Variants in EXTL3 observed in about 807,000 individuals in gnomAD.
The protein encoded by EXTL3 is exostosin-like 3.
In EXTL3, 27 loss-of-function variants were observed where a neutral mutation model predicts 69.3. The ratio of observed to expected loss-of-function variants is 0.39; its 90% CI spans 0.29 to 0.54. EXTL3 has a LOEUF of 0.54. EXTL3 is among the 20% of genes least tolerant of loss of function. The pLI is 0.69. For synonymous variants in EXTL3, 511 were observed against 499.4 expected, an observed-to-expected ratio of 1.02 and a Z score of -0.31; for missense variants, 1,003 against 1,231.8, an observed-to-expected ratio of 0.81 and a Z score of 2.78.
chr8:28,747,728 C>CTTTTTTTT (rs71549697), intron 6 of EXTL3, among the ~76,000 whole-genome samples: 20 of 124,734 alleles, frequency 1.6e-4, no homozygotes, highest in South Asian at 2.4e-4. Flanking sequence ...TTTTCTTTTT[C>CTTTTTTTT]TTTTTTTTTT....
intron 1 of EXTL3, among the ~76,000 whole-genome samples, chr8:28,663,892 C>T (rs558437968): frequency 1.3e-5 from 2 of 152,300 alleles, no homozygotes; most frequent in African/African-American, 4.8e-5. Flanking sequence ...AGGAGGCTGC[C>T]ATTGCTGGCG....
At chr8:28,704,464 A>C (rs1372461668) in intron 1 of EXTL3, among the ~76,000 whole-genome samples, 1 of 152,182 alleles carries the variant, frequency 6.6e-6, no homozygotes, top group African/African-American at 2.4e-5. Context: ...CACCCCTCAC[A>C]CACATGCCTT....
chr8:28,647,357 G>A (rs1394527367), intron 1 of EXTL3, among the ~76,000 whole-genome samples: 3 of 152,098 alleles, frequency 2.0e-5, no homozygotes, highest in East Asian at 3.9e-4. Flanking sequence ...CACCTGCCTC[G>A]GCCTCCCAAA....
intron 1 of EXTL3, among the ~76,000 whole-genome samples, chr8:28,692,753 A>C (rs546625315): frequency 6.6e-6 from 1 of 152,208 alleles, no homozygotes; most frequent in Non-Finnish European, 1.5e-5. Flanking sequence ...TTTTTAAATG[A>C]AAGTAGTGAG....
At chr8:28,613,965 C>T (rs886469835) in intron 2 of EXTL3, among the ~76,000 whole-genome samples, 2 of 151,638 alleles carry the variant, frequency 1.3e-5, no homozygotes, top group Non-Finnish European at 2.9e-5. Flanking sequence ...GACTACAGGC[C>T]CATGCATGCT....
chr8:28,734,390 A>G lies in EXTL3; in HGVS notation c.2276+3040A>G, dbSNP rs1455319743. ...GTATTAATCTATAATAATTTTGGGG[A>G]AAAATTAGTTCTTCCCCACATCATT... On this transcript the variant is annotated intron_variant, in intron 4 of 6. Coordinates refer to ENST00000220562, the MANE Select transcript of EXTL3 (RefSeq NM_001440.4). 2.0e-5 allele frequency among the ~76,000 whole-genome samples: 3 copies of G among 152,158 alleles called. No individual in the cohort carries two copies. In the East Asian group the frequency reaches 5.8e-4, roughly 29 times the overall value.
chr8:28,745,152 G>A (rs1285378423), intron 6 of EXTL3, among the ~76,000 whole-genome samples: 4 of 151,730 alleles, frequency 2.6e-5, no homozygotes, highest in East Asian at 1.9e-4. Flanking sequence ...TGCCATGGGC[G>A]TGTCTGTGAA....
At chr8:28,720,517 A>C (rs1242332086) in intron 3 of EXTL3, among the ~76,000 whole-genome samples, 2 of 152,210 alleles carry the variant, frequency 1.3e-5, no homozygotes, top group Non-Finnish European at 2.9e-5. Flanking sequence ...GGTGCCCCAT[A>C]GGACTTATAT....
intron 1 of EXTL3, among the ~76,000 whole-genome samples, chr8:28,702,015 GCTGTTGGGCTTCCTCTGCTCC>G (rs1315267909): frequency 1.3e-5 from 2 of 152,050 alleles, no homozygotes; most frequent in East Asian, 3.9e-4. Context: ...CTCGGCTGCA[GCTGTTGGGCTTCCTCTGCTCC>G]CTGAAGCCCT....
In EXTL3 at chr8:28,716,022, G is replaced by A; in HGVS notation, c.-38G>A. ...ATAGCAACCCATGGTTATGGCGAGT[G>A]ACCCGACGTGATCTGGGGGGCAGGC... On this transcript the variant is annotated 5_prime_UTR_variant, in exon 3 of 7. It removes the in-frame stop codon of an upstream open reading frame in the 5' UTR. Transcript: ENST00000220562. The surrounding 1 kb of genome is among the most constrained non-coding windows in gnomAD (Gnocchi z 7.1). 1 of 1,542,014 alleles carries A rather than the reference G, an allele frequency of 6.5e-7. No individual in the cohort carries two copies. Among genetic ancestry groups the A allele is most frequent in the Non-Finnish European group, 8.8e-7 (1 of 1,133,232 alleles).
rs1350898553 is a variant in EXTL3 at position 28,716,191 on chromosome 8, G to A, written c.132G>A (p.Pro44=). The A allele has an allele frequency of 5.0e-6, 8 of 1,614,054 alleles. No individual in the cohort carries two copies. The highest frequency in any genetic ancestry group is 1.7e-5 in the Admixed American group (1 of 60,012). The change falls in exon 3 of 7, where the codon CCG becomes CCA. Residue 44 remains proline (P), a synonymous_variant. Transcript: ENST00000220562. This position sits in a 1 kb window ranked among gnomAD's most constrained non-coding sequence, Gnocchi z 7.1. The part of the protein sequence containing the change: ...FTLFVILVFF[P]LIAHYYLTTL... ...TCTTTGTCATCCTGGTCTTCTTCCC[G>A]CTCATCGCCCACTATTACCTCACCA... is the stretch of plus-strand genomic sequence containing the variant.
At chr8:28,729,175 G>A (rs1442821458) in intron 3 of EXTL3, among the ~76,000 whole-genome samples, 1 of 150,768 alleles carries the variant, frequency 6.6e-6, no homozygotes, top group Non-Finnish European at 1.5e-5. Flanking sequence ...TCTGCTTGTA[G>A]TTCCAGCTAC....
chr8:28,686,027 A>AG (rs1807571877), intron 1 of EXTL3: 1 of 151,826 alleles, frequency 6.6e-6, no homozygotes, highest in African/African-American at 2.4e-5. Flanking sequence ...CACCATGCCC[A>AG]GTTAATGTTT....
At chr8:28,631,886 G>A (rs1043776942) in intron 1 of EXTL3, among the ~76,000 whole-genome samples, 1 of 150,946 alleles carries the variant, frequency 6.6e-6, no homozygotes, top group Non-Finnish European at 1.5e-5. Flanking sequence ...TCAAGAGATC[G>A]AGACCATCCT....
At chr8:28,676,866 A>G (rs1358297067) in intron 1 of EXTL3, among the ~76,000 whole-genome samples, 1 of 152,164 alleles carries the variant, frequency 6.6e-6, no homozygotes, top group Non-Finnish European at 1.5e-5. Context: ...CCCCACCCAC[A>G]GAGATTCGGA....
intron 1 of EXTL3, among the ~76,000 whole-genome samples, chr8:28,633,040 A>C (rs1242662050): frequency 1.3e-5 from 2 of 152,170 alleles, no homozygotes; most frequent in Non-Finnish European, 2.9e-5. Context: ...AATGGTTGGG[A>C]AAAAAATTAA....
At chr8:28,658,730 A>G (rs1428677740) in intron 1 of EXTL3, among the ~76,000 whole-genome samples, 1 of 151,966 alleles carries the variant, frequency 6.6e-6, no homozygotes, top group East Asian at 1.9e-4. Flanking sequence ...ACAGGTGCCC[A>G]CCACCATGCC....
rs113635439 is a variant in EXTL3, at chr8:28,710,717, AT to A, written c.-569-2727del. Reference sequence around the variant, plus strand: ...CTGGGACCATGCCTGGCTAATTTAAATTTTTTTTTTTTTGGTAGAGATGGGG... The same window carrying A: ...CTGGGACCATGCCTGGCTAATTTAAATTTTTTTTTTTTGGTAGAGATGGGG... On this transcript the variant is annotated intron_variant, in intron 1 of 6. Transcript: ENST00000220562. 1.0e-3 allele frequency among the ~76,000 whole-genome samples: 140 copies of A among 139,502 alleles called. 1 individual carries two copies. In the Middle Eastern group the frequency reaches 0.019, roughly 18 times the overall value. 91.5% of individuals were successfully genotyped at this position (139,502 alleles called of 152,430 possible). A position where few individuals can be genotyped will look rare whatever the true frequency, so the allele number is the denominator to read the frequency against.
chr8:28,714,097 G>A (rs1465123596), intron 2 of EXTL3, among the ~76,000 whole-genome samples: 1 of 151,644 alleles, frequency 6.6e-6, no homozygotes, highest in Admixed American at 6.6e-5. Context: ...GTAGAGATGG[G>A]GTTTTGCCAT....
Sources: allele counts gnomAD v4.1 joint callset (sites outside exome capture counted in the v4.1 genomes callset), GRCh38; gene constraint gnomAD v4.1.1; non-coding constraint Gnocchi (gnomAD v3.1); transcripts MANE v1.5; gene names NCBI Gene and HGNC (gene_info 2026-07-23, HGNC 2026-07-21).